PDLIM4: variants seen among roughly 807,000 people sequenced by gnomAD.
PDLIM4 encodes the protein PDZ and LIM domain protein 4.
In PDLIM4, 19 loss-of-function variants were observed where a neutral mutation model predicts 31.3. The ratio of observed to expected loss-of-function variants is 0.61; its 90% CI spans 0.42 to 0.89. PDLIM4 has a LOEUF of 0.89. PDLIM4 is among the 40% of genes least tolerant of loss of function. The probability of loss-of-function intolerance (pLI) is 0.00; values close to 1 mark genes in which losing one functional copy is unlikely to be tolerated. For missense variants in PDLIM4, 442 were observed against 461.1 expected (o/e 0.96, Z 0.38); for synonymous variants, 176 against 190.1 (o/e 0.93, Z 0.61).
At position 132,271,907 on chromosome 5, in the gene PDLIM4, G is replaced by C; in HGVS notation, c.787G>C (p.Val263Leu). The C allele has an allele frequency of 3.7e-6, 6 of 1,605,294 alleles. No homozygotes were observed. The highest frequency in any genetic ancestry group is 5.1e-6 in the Non-Finnish European group (6 of 1,174,142). Residue 263 changes from valine to leucine, a missense_variant and splice_region_variant, in exon 6 of 7, where the codon GTG becomes CTG. Val to Leu is a conservative substitution (Grantham distance 32, BLOSUM62 1). Coordinates refer to ENST00000253754, the MANE Select transcript of PDLIM4 (RefSeq NM_003687.4). ...PECTRCGHGI[V>L]GTIVKARDKL... is the part of the protein sequence containing the mutation. Reference sequence around the variant, plus strand: ...GTGCACGCGCTGCGGCCACGGCATCGTGTGAGTAACCGCCCCCGCTGCCCC... The same window carrying C: ...GTGCACGCGCTGCGGCCACGGCATCCTGTGAGTAACCGCCCCCGCTGCCCC...
chr5:132,257,812 C>G lies in PDLIM4; in HGVS notation c.78C>G (p.Pro26=). The change falls in exon 1 of 7, where the codon CCC becomes CCG. Residue 26 remains proline (P), a synonymous_variant. Coordinates refer to ENST00000253754, the MANE Select transcript of PDLIM4 (RefSeq NM_003687.4). The surrounding 1 kb of genome is among the most constrained non-coding windows in gnomAD (Gnocchi z 4.3). The part of the protein sequence containing the change: ...RLVGGRDFSA[P]LTISRVHAGS... ...TGGGCGGCCGGGACTTCAGCGCGCC[C>G]CTCACCATCTCACGGGTGAGTCTGG... is the stretch of plus-strand genomic sequence containing the variant. The G allele has an allele frequency of 2.0e-6, 3 of 1,501,376 alleles. No homozygotes were observed. Among genetic ancestry groups the G allele is most frequent in the Non-Finnish European group, 2.7e-6 (3 of 1,128,600 alleles). 93.0% of individuals were successfully genotyped at this position (1,501,376 alleles called of 1,614,324 possible). A position where few individuals can be genotyped will look rare whatever the true frequency, so the allele number is the denominator to read the frequency against.
chr5:132,271,041 G>A lies in PDLIM4; in HGVS notation c.454G>A (p.Glu152Lys), dbSNP rs368514608. 18 of 1,613,950 alleles carry A rather than the reference G, an allele frequency of 1.1e-5. No individual in the cohort carries two copies. In the Middle Eastern group the frequency reaches 4.9e-4, roughly 44 times the overall value. Residue 152 changes from glutamate to lysine, a missense_variant, in exon 4 of 7, where the codon GAG (glutamate) becomes AAG (lysine). Transcript: ENST00000253754. ...TCCAGTCCCTCACAATGGCAGCAGCGAGGCCACCCTGCCAGCCCAGATGAG... is the reference window on the plus strand; with the variant it reads ...TCCAGTCCCTCACAATGGCAGCAGCAAGGCCACCCTGCCAGCCCAGATGAG... ...RFPVPHNGSS[E>K]ATLPAQMSTL...
Position 132,262,741 on chromosome 5 carries a change from C to T in PDLIM4, c.226C>T (p.Leu76Phe). ...QNRIKGCHDH[L>F]TLSVSRPEGR... ...CCGCATCAAGGGCTGCCACGATCAC[C>T]TCACACTGTCTGTGAGCAGGTATGC... The change falls in exon 2 of 7, where the codon CTC becomes TTC. Residue 76 changes from leucine (L) to phenylalanine (F), a missense_variant. By Grantham distance (22) the Leu-to-Phe change is conservative (BLOSUM62 0). Coordinates refer to ENST00000253754, the MANE Select transcript of PDLIM4 (RefSeq NM_003687.4). 1 of 1,613,692 alleles carries T rather than the reference C, an allele frequency of 6.2e-7. No homozygotes were observed. Among genetic ancestry groups the T allele is most frequent in the Non-Finnish European group, 8.5e-7 (1 of 1,179,744 alleles).
chr5:132,265,775 G>A (rs929209584), intron 2 of PDLIM4, among the ~76,000 whole-genome samples: 1 of 152,184 alleles, frequency 6.6e-6, no homozygotes, highest in African/African-American at 2.4e-5. Flanking sequence ...CTTCTCACAG[G>A]GCTACTGAGT....
At chr5:132,266,206 C>A (rs1756488622) in intron 2 of PDLIM4, among the ~76,000 whole-genome samples, 2 of 152,362 alleles carry the variant, frequency 1.3e-5, no homozygotes, top group African/African-American at 4.8e-5. Flanking sequence ...GCTTCTCCTG[C>A]AGCCTCTCCA....
At chr5:132,261,453 G>A (rs976495607) in intron 1 of PDLIM4, 1 of 152,264 alleles carries the variant, frequency 6.6e-6, no homozygotes, top group Non-Finnish European at 1.5e-5. Flanking sequence ...TGGGCTTCCA[G>A]GAGTTCCCAC....
chr5:132,262,218 G>T (rs1756389560), intron 1 of PDLIM4, among the ~76,000 whole-genome samples: 1 of 152,156 alleles, frequency 6.6e-6, no homozygotes, highest in Non-Finnish European at 1.5e-5. Flanking sequence ...TCTGGTTGGG[G>T]CCTTGTCTGT....
At position 132,266,508 on chromosome 5, in the gene PDLIM4, C is replaced by G. The variant is rs143285020; in HGVS notation, c.290C>G (p.Ala97Gly). 1 of 1,613,436 alleles carries G rather than the reference C, an allele frequency of 6.2e-7. No individual in the cohort carries two copies. The highest frequency in any genetic ancestry group is 1.3e-5 in the African/African-American group (1 of 75,072). The change falls in exon 3 of 7, where the codon GCT (alanine) becomes GGT (glycine). Residue 97 changes from alanine to glycine, a missense_variant. Coordinates refer to ENST00000253754, the MANE Select transcript of PDLIM4 (RefSeq NM_003687.4). ...SWPSAPDDSKAQAHRIHIDPE... is the reference protein window; with the variant it reads ...SWPSAPDDSKGQAHRIHIDPE... Reference sequence around the variant, plus strand: ...CCCAGTGCCCCTGATGACAGCAAGGCTCAGGCACACAGGATCCACATCGAT... The same window carrying G: ...CCCAGTGCCCCTGATGACAGCAAGGGTCAGGCACACAGGATCCACATCGAT...
At chr5:132,264,665 G>A (rs1424473577) in intron 2 of PDLIM4, among the ~76,000 whole-genome samples, 5 of 152,020 alleles carry the variant, frequency 3.3e-5, no homozygotes, top group Non-Finnish European at 5.9e-5. Context: ...TCTTCTCCTG[G>A]ACACTTGCCC....
rs981495190 is a variant in PDLIM4, at chr5:132,271,477, T to C, written c.670+11T>C. 3 of 1,606,952 alleles carry C rather than the reference T, an allele frequency of 1.9e-6. No individual in the cohort carries two copies. The highest frequency in any genetic ancestry group is 2.2e-5 in the South Asian group (2 of 91,082). On this transcript the variant is annotated intron_variant, in intron 5 of 6. Transcript: ENST00000253754. ...AGGCCGGCGAGGGCGGTAAGACGCC[T>C]GCCACCTGTCCCCATCTGCCTTCCC...
chr5:132,261,861 T>C (rs1756383303), intron 1 of PDLIM4, among the ~76,000 whole-genome samples: 1 of 152,164 alleles, frequency 6.6e-6, no homozygotes, highest in Non-Finnish European at 1.5e-5. Context: ...TGTTCAGACC[T>C]TCCCATTTTA....
intron 3 of PDLIM4, among the ~76,000 whole-genome samples, chr5:132,267,761 G>A (rs1047758987): frequency 2.0e-5 from 3 of 152,180 alleles, no homozygotes; most frequent in Admixed American, 2.0e-4. Context: ...ATGAGGTGGT[G>A]GAGCAGGGCC....
At chr5:132,259,879 CAGG>C (rs1314362492) in intron 1 of PDLIM4, among the ~76,000 whole-genome samples, 3 of 152,230 alleles carry the variant, frequency 2.0e-5, no homozygotes, top group African/African-American at 7.2e-5. Context: ...GCCAAGCATC[CAGG>C]GTGTGCCAGG....
intron 4 of PDLIM4, 63 bp from the exon 5 acceptor site, chr5:132,271,240 C>A (rs1756603070): frequency 6.5e-7 from 1 of 1,535,092 alleles, no homozygotes; most frequent in Non-Finnish European, 8.9e-7. Context: ...TACCAGACCC[C>A]AAGTCCACAG....
chr5:132,270,917 C>A lies in PDLIM4; in HGVS notation c.330C>A (p.Asp110Glu), dbSNP rs377199196. ...TGCCTTAGGCCTCTCTCTAATAGGA[C>A]GGCAGCCCAACAACCAGCAGGCGGC... ...HRIHIDPEIQ[D>E]GSPTTSRRPS... Residue 110 changes from aspartate to glutamate, a missense_variant and splice_region_variant, in exon 4 of 7, where the codon GAC becomes GAA. Physicochemically the swap from Asp to Glu is conservative, Grantham distance 45. Coordinates refer to ENST00000253754, the MANE Select transcript of PDLIM4 (RefSeq NM_003687.4). 6.2e-7 allele frequency: 1 copy of A among 1,613,852 alleles called. No homozygotes were observed. The highest frequency in any genetic ancestry group is 8.5e-7 in the Non-Finnish European group (1 of 1,179,808).
rs1756395081 is a variant in PDLIM4 at position 132,262,474 on chromosome 5, C to T, written c.94-135C>T. ...TACATGGGGACCTCAACCAGCCACTCGGCTTGCCCATCCACAGGCCATGCT... is the reference window on the plus strand; with the variant it reads ...TACATGGGGACCTCAACCAGCCACTTGGCTTGCCCATCCACAGGCCATGCT... On this transcript the variant is annotated intron_variant, in intron 1 of 6. Transcript: ENST00000253754. 5 of 747,802 alleles carry T rather than the reference C, an allele frequency of 6.7e-6. No individual in the cohort carries two copies. The East Asian group carries it at 9.5e-5, about 14-fold the overall frequency. The allele number at this position is 747,802 out of a possible 1,614,324, so 46.3% of individuals were successfully genotyped here.
In PDLIM4 at chr5:132,260,240, G is replaced by A. The variant is rs143097866; in HGVS notation, c.94-2369G>A. Reference sequence around the variant, plus strand: ...AGGGGCTGGGAATGCAGCCACTACCGGTAAGGGGCTGATTCATGCCCTCAC... The same window carrying A: ...AGGGGCTGGGAATGCAGCCACTACCAGTAAGGGGCTGATTCATGCCCTCAC... On this transcript the variant is annotated intron_variant, in intron 1 of 6. Transcript: ENST00000253754. 1.5e-3 allele frequency among the ~76,000 whole-genome samples: 224 copies of A among 152,268 alleles called. 3 individuals are homozygous for A. In the East Asian group the frequency reaches 0.026, roughly 18 times the overall value.
chr5:132,261,025 C>G (rs980953067), intron 1 of PDLIM4, among the ~76,000 whole-genome samples: 2 of 152,208 alleles, frequency 1.3e-5, no homozygotes, highest in African/African-American at 2.4e-5. Context: ...CATCCCTCCC[C>G]CAAGCTTCTT....
Position 132,262,673 on chromosome 5 carries a change from A to G in PDLIM4, c.158A>G (p.Asn53Ser), listed in dbSNP as rs751349427. The change falls in exon 2 of 7, where the codon AAT becomes AGT. Residue 53 changes from asparagine to serine, a missense_variant. By Grantham distance (46) the Asn-to-Ser change is conservative. Coordinates refer to ENST00000253754, the MANE Select transcript of PDLIM4 (RefSeq NM_003687.4). ...CCAGGAGACCTGATCCAGGCCATCAATGGTGAGAGCACAGAGCTCATGACA... is the reference window on the plus strand; with the variant it reads ...CCAGGAGACCTGATCCAGGCCATCAGTGGTGAGAGCACAGAGCTCATGACA... ...LCPGDLIQAI[N>S]GESTELMTHL... is the part of the protein sequence containing the mutation. 5.0e-6 allele frequency: 8 copies of G among 1,613,214 alleles called. No individual in the cohort carries two copies. The highest frequency in any genetic ancestry group is 1.7e-4 in the Middle Eastern group (1 of 6,060).
Sources: gnomAD v4.1 joint callset for allele counts (sites outside exome capture counted in the v4.1 genomes callset) on GRCh38, gnomAD v4.1.1 for gene constraint, Gnocchi (gnomAD v3.1) non-coding constraint, MANE v1.5 for transcripts, NCBI Gene and HGNC (gene_info 2026-07-23, HGNC 2026-07-21) for gene names.